The following EHMT1 variants were observed in gnomAD, a reference collection of about 807,000 sequenced individuals.
EHMT1 encodes the protein euchromatic histone lysine methyltransferase 1, also known as histone-lysine N-methyltransferase EHMT1.
Under a neutral mutation model 147.2 loss-of-function variants are expected in EHMT1, and 15 were observed. The observed-to-expected ratio is 0.10, with a 90% CI of 0.07 to 0.16. The LOEUF (loss-of-function observed/expected upper bound fraction) is 0.16, where lower values mean the gene tolerates loss of function less well. EHMT1 is among the 10% of genes least tolerant of loss of function. The pLI, the probability that EHMT1 is intolerant of heterozygous loss-of-function variation, is 1.00. For synonymous variants in EHMT1, 795 were observed against 709.6 expected (o/e 1.12, Z -1.91); for missense variants, 1,587 against 1,772.4 (o/e 0.90, Z 1.88).
At chr9:137,639,995 C>T (rs1427319540) in intron 1 of EHMT1, among the ~76,000 whole-genome samples, 3 of 152,124 alleles carry the variant, frequency 2.0e-5, no homozygotes, top group African/African-American at 7.2e-5. Context: ...AGTGCAATGG[C>T]GCGATCTTGG....
chr9:137,788,082 G>A, intron 15 of EHMT1: 4 of 1,354,364 alleles, frequency 3.0e-6, no homozygotes, highest in Non-Finnish European at 4.0e-6. Flanking sequence ...CTCCACTCTC[G>A]TGGGGCCAGG....
intron 1 of EHMT1, among the ~76,000 whole-genome samples, chr9:137,700,293 T>C (rs1943729120): frequency 6.6e-6 from 1 of 152,228 alleles, no homozygotes; most frequent in Non-Finnish European, 1.5e-5. Context: ...GCTTGTGTAC[T>C]TGGCCTCCAC....
chr9:137,633,060 TGAG>T (rs1455125513), intron 1 of EHMT1, among the ~76,000 whole-genome samples: 4 of 152,012 alleles, frequency 2.6e-5, no homozygotes, highest in Non-Finnish European at 5.9e-5. Flanking sequence ...ATGTGGCAGA[TGAG>T]GAGGGCACAA....
At chr9:137,792,340 G>A (rs1206825524) in intron 16 of EHMT1, 3 of 272,752 alleles carry the variant, frequency 1.1e-5, no homozygotes, top group South Asian at 3.7e-5. Flanking sequence ...AACAGATGGT[G>A]CTGAGACAGC....
intron 1 of EHMT1, among the ~76,000 whole-genome samples, chr9:137,680,105 A>G (rs1197540411): frequency 6.6e-6 from 1 of 151,910 alleles, no homozygotes. Context: ...TCTACGTTGT[A>G]TCTGTATCTT....
rs751792568 is a variant in EHMT1 at position 137,711,034 on chromosome 9, A to AG, written c.85+7dup. The AG allele has an allele frequency of 1.3e-6, 2 of 1,588,590 alleles. No homozygotes were observed. Among genetic ancestry groups the AG allele is most frequent in the African/African-American group, 1.3e-5 (1 of 74,520 alleles). Reference sequence around the variant, plus strand: ...AAAACCGAGCTGCTGGGAGAAGGTGAGGGCGGTGTGCACCGAGGGACAGGA... The same window carrying AG: ...AAAACCGAGCTGCTGGGAGAAGGTGAGGGGCGGTGTGCACCGAGGGACAGGA... On this transcript the variant is annotated splice_donor_region_variant and intron_variant, in intron 2 of 26. Coordinates refer to ENST00000460843, the MANE Select transcript of EHMT1 (RefSeq NM_024757.5).
Position 137,816,041 on chromosome 9 carries a change from G to A in EHMT1, c.3353G>A (p.Arg1118His), listed in dbSNP as rs1255732158. Residue 1118 changes from arginine (R) to histidine (H), a missense_variant, in exon 23 of 27, where the codon CGC (arginine) becomes CAC (histidine). By Grantham distance (29) the Arg-to-His change is conservative (BLOSUM62 0). This residue lies in a region of EHMT1 where 156 missense variants were observed against 252.5 expected (regional missense o/e 0.62). Coordinates refer to ENST00000460843, the MANE Select transcript of EHMT1 (RefSeq NM_024757.5). ...TCCTGCTGGAGGAACTGCCGAAATC[G>A]CGTCGTACAGAATGGTCTCAGGTGA... is the stretch of plus-strand genomic sequence containing the variant. ...ACSCWRNCRN[R>H]VVQNGLRARL... 1 of 1,612,570 alleles carries A rather than the reference G, an allele frequency of 6.2e-7. No individual in the cohort carries two copies. The highest frequency in any genetic ancestry group is 8.5e-7 in the Non-Finnish European group (1 of 1,179,262).
At chr9:137,709,147 G>C (rs971724081) in intron 1 of EHMT1, among the ~76,000 whole-genome samples, 1 of 152,212 alleles carries the variant, frequency 6.6e-6, no homozygotes, top group Non-Finnish European at 1.5e-5. Context: ...CAGTGAAAAA[G>C]GCAATTGAGG....
At chr9:137,798,431 A>T (rs1953146244) in intron 16 of EHMT1, among the ~76,000 whole-genome samples, 1 of 151,952 alleles carries the variant, frequency 6.6e-6, no homozygotes, top group Admixed American at 6.5e-5. Flanking sequence ...AAAAAACAAG[A>T]TGTGCCCAGC....
At chr9:137,667,496 T>C (rs900036534) in intron 1 of EHMT1, 1 of 152,442 alleles carries the variant, frequency 6.6e-6, no homozygotes. Flanking sequence ...GGGCAGCAGG[T>C]GTGTGACTGC....
At chr9:137,695,735 A>G (rs2135026069) in intron 1 of EHMT1, among the ~76,000 whole-genome samples, 1 of 152,336 alleles carries the variant, frequency 6.6e-6, no homozygotes, top group South Asian at 2.1e-4. Context: ...CAAGCTAGCA[A>G]GGCAGAGCTG....
At chr9:137,794,648 A>C (rs1952765021) in intron 16 of EHMT1, among the ~76,000 whole-genome samples, 2 of 129,246 alleles carry the variant, frequency 1.5e-5, no homozygotes, top group South Asian at 2.6e-4. Flanking sequence ...CCCCATCTCT[A>C]AGAAAAAAAA....
chr9:137,778,965 A>T (rs1301304061), intron 13 of EHMT1, among the ~76,000 whole-genome samples: 1 of 152,126 alleles, frequency 6.6e-6, no homozygotes, highest in Admixed American at 6.5e-5. Flanking sequence ...AAGCGACCAG[A>T]TCTTGTGGGA....
intron 3 of EHMT1, among the ~76,000 whole-genome samples, chr9:137,718,186 G>C (rs1458562424): frequency 1.3e-5 from 2 of 150,396 alleles, no homozygotes; most frequent in African/African-American, 4.9e-5. Flanking sequence ...GGGCGCGCCC[G>C]CCCCTCACGC....
Position 137,808,877 on chromosome 9 carries a change from C to T in EHMT1, c.2713-2584C>T, listed in dbSNP as rs117535713. ...GGCAGAGGTTGCAGTGAACCAAGAT[C>T]GTGCCAACTGCATTCCAGCCTGGGT... On this transcript the variant is annotated intron_variant, in intron 18 of 26. Transcript: ENST00000460843. Among the ~76,000 whole-genome samples the T allele has an allele frequency of 8.7e-4, 133 of 152,136 alleles. 1 individual carries two copies. In the East Asian group the frequency reaches 0.022, roughly 25 times the overall value.
intron 1 of EHMT1, among the ~76,000 whole-genome samples, chr9:137,626,295 G>C (rs950939637): frequency 2.6e-5 from 4 of 151,488 alleles, no homozygotes; most frequent in African/African-American, 9.7e-5. Context: ...TACAGTTAAA[G>C]TTATTAAAAA....
At chr9:137,808,304 C>T (rs1384298025) in intron 18 of EHMT1, among the ~76,000 whole-genome samples, 4 of 152,252 alleles carry the variant, frequency 2.6e-5, no homozygotes, top group East Asian at 1.9e-4. Flanking sequence ...TCTGAGCATC[C>T]GGGGGCCCTG....
At chr9:137,650,099 A>T (rs1348687309) in intron 1 of EHMT1, among the ~76,000 whole-genome samples, 1 of 151,680 alleles carries the variant, frequency 6.6e-6, no homozygotes, top group African/African-American at 2.4e-5. Context: ...TTGTTATTTT[A>T]TTTATTTATT....
rs114244176 is a variant in EHMT1 at position 137,806,291 on chromosome 9, C to T, written c.2713-5170C>T. Among the ~76,000 whole-genome samples the T allele has an allele frequency of 1.7e-3, 254 of 152,170 alleles. 1 individual carries two copies. Among genetic ancestry groups the T allele is most frequent in the African/African-American group, 5.6e-3 (232 of 41,510 alleles). On this transcript the variant is annotated intron_variant, in intron 18 of 26. Transcript: ENST00000460843. ...GTCTGTTTGAAAGACTGCAGAAGAG[C>T]TCTGCAGTTGCTCCTGCCATCCCCA...
Sources: gnomAD v4.1 joint callset for allele counts (sites outside exome capture counted in the v4.1 genomes callset) on GRCh38, gnomAD v4.1.1 for gene constraint, gnomAD v4.1.1 regional missense constraint, MANE v1.5 for transcripts, NCBI Gene and HGNC (gene_info 2026-07-23, HGNC 2026-07-21) for gene names.